ZNG1A: variants seen among roughly 807,000 people sequenced by gnomAD.
The protein encoded by ZNG1A is zinc-regulated GTPase metalloprotein activator 1A.
chr9:141,372 G>C, the ZNG1A span, among the ~76,000 whole-genome samples: 2 of 148,946 alleles, frequency 1.3e-5, no homozygotes, highest in East Asian at 2.0e-4. Context: ...CCAGAAGAGA[G>C]TGGGGGCCAA....
At chr9:170,330 C>T in the ZNG1A span, among the ~76,000 whole-genome samples, 3 of 149,854 alleles carry the variant, frequency 2.0e-5, no homozygotes, top group Non-Finnish European at 3.0e-5. Flanking sequence ...ATAAAATGTA[C>T]CTACTTGTGT....
chr9:130,021 T>C, the ZNG1A span, among the ~76,000 whole-genome samples: 2 of 150,336 alleles, frequency 1.3e-5, no homozygotes, highest in Admixed American at 6.6e-5. Context: ...TACTGAACAG[T>C]GTATGGAAAT....
the ZNG1A span, among the ~76,000 whole-genome samples, chr9:165,442 C>T: frequency 4.3e-5 from 6 of 139,742 alleles, no homozygotes; most frequent in African/African-American, 1.7e-4. Context: ...TGATATAATA[C>T]TTGCCAGACT....
the ZNG1A span, chr9:164,039 T>G: frequency 6.3e-7 from 1 of 1,580,808 alleles, no homozygotes; most frequent in Non-Finnish European, 8.6e-7. Context: ...CCACTGCACC[T>G]GAAAATATAT....
the ZNG1A span, among the ~76,000 whole-genome samples, chr9:137,963 T>C: frequency 9.9e-5 from 12 of 120,834 alleles, no homozygotes; most frequent in Admixed American, 1.1e-3. Flanking sequence ...CACAACTTTG[T>C]ACAGCAGTGG....
At chr9:171,360 T>G in the ZNG1A span, among the ~76,000 whole-genome samples, 1 of 151,180 alleles carries the variant, frequency 6.6e-6, no homozygotes, top group African/African-American at 2.4e-5. Flanking sequence ...ATGGTATGGG[T>G]CAGATTCACA....
chr9:124,055 C>A, the ZNG1A span, among the ~76,000 whole-genome samples: 1 of 152,154 alleles, frequency 6.6e-6, no homozygotes, highest in Non-Finnish European at 1.5e-5. Context: ...GAGTTCTTAG[C>A]GATGAGAATG....
chr9:136,023 C>CG, the ZNG1A span, among the ~76,000 whole-genome samples: 1 of 66,504 alleles, frequency 1.5e-5, no homozygotes, highest in Non-Finnish European at 3.1e-5. Flanking sequence ...AAAAACATTT[C>CG]GAAAAATCAT....
At chr9:142,194 A>G in the ZNG1A span, among the ~76,000 whole-genome samples, 156 of 147,916 alleles carry the variant, frequency 1.1e-3, no homozygotes, top group African/African-American at 3.6e-3. Flanking sequence ...AAGCAGACCT[A>G]ATAGACATCT....
At chr9:169,631 T>G in the ZNG1A span, among the ~76,000 whole-genome samples, 2 of 147,920 alleles carry the variant, frequency 1.4e-5, 1 homozygote, top group African/African-American at 5.1e-5. Flanking sequence ...TATTATCTTA[T>G]GAAATTGCGA....
At chr9:130,929 A>G in the ZNG1A span, among the ~76,000 whole-genome samples, 1 of 114,214 alleles carries the variant, frequency 8.8e-6, no homozygotes, top group South Asian at 3.5e-4. Flanking sequence ...TCACGTTAGA[A>G]AAACCCTGAA....
At chr9:155,977 A>T in the ZNG1A span, among the ~76,000 whole-genome samples, 1 of 150,688 alleles carries the variant, frequency 6.6e-6, no homozygotes, top group African/African-American at 2.4e-5. Flanking sequence ...AAAAATAAAA[A>T]AAAAATGCAA....
chr9:167,752 T>A, the ZNG1A span: 1 of 149,540 alleles, frequency 6.7e-6, no homozygotes, highest in Non-Finnish European at 1.5e-5. Context: ...AACAGTCACC[T>A]GTTTCTCACT....
At chr9:173,763 T>C in the ZNG1A span, among the ~76,000 whole-genome samples, 116 of 152,282 alleles carry the variant, frequency 7.6e-4, no homozygotes, top group African/African-American at 2.2e-3. Context: ...GACTGCCTTA[T>C]CTATCTTTTT....
At chr9:157,475 G>T in the ZNG1A span, among the ~76,000 whole-genome samples, 1 of 129,138 alleles carries the variant, frequency 7.7e-6, no homozygotes, top group Non-Finnish European at 1.6e-5. Flanking sequence ...TCTATTTGAA[G>T]CCAACTTTAC....
At chr9:178,934 C>A in the ZNG1A span, 3 of 1,110,124 alleles carry the variant, frequency 2.7e-6, no homozygotes, top group African/African-American at 2.9e-5. Flanking sequence ...CCGCAGGATC[C>A]TCCTCCTCAT....
At chr9:142,709 A>C in the ZNG1A span, among the ~76,000 whole-genome samples, 1 of 142,562 alleles carries the variant, frequency 7.0e-6, no homozygotes, top group South Asian at 2.4e-4. Flanking sequence ...GAACTGAAGG[A>C]AATAGAGACA....
At chr9:138,913 AAAAAG>A in the ZNG1A span, among the ~76,000 whole-genome samples, 1 of 148,788 alleles carries the variant, frequency 6.7e-6, no homozygotes, top group African/African-American at 2.5e-5. Context: ...AAAAATAAAT[AAAAAG>A]AAAAGAAATA....
the ZNG1A span, among the ~76,000 whole-genome samples, chr9:177,331 AATTAAAGGGCAGCAAGACTCCAG>A: frequency 1.2e-3 from 178 of 152,144 alleles, no homozygotes; most frequent in African/African-American, 4.1e-3. Context: ...GCAACGAATA[AATTAAAGGGCAGCAAGACTCCAG>A]ATTAGTCAGG....
Sources: allele counts gnomAD v4.1 joint callset (sites outside exome capture counted in the v4.1 genomes callset), GRCh38; gene constraint gnomAD v4.1.1; transcripts MANE v1.5; gene names NCBI Gene and HGNC (gene_info 2026-07-23, HGNC 2026-07-21).